SLC41A2: variants seen among roughly 807,000 people sequenced by gnomAD.
SLC41A2 encodes the protein SLC41A1-like 1.
In SLC41A2, 32 loss-of-function variants were observed where a neutral mutation model predicts 58.3. The ratio of observed to expected loss-of-function variants is 0.55; its 90% CI spans 0.41 to 0.74. The LOEUF (loss-of-function observed/expected upper bound fraction) is 0.74. Among genes scored for constraint, SLC41A2 ranks in the 30% least tolerant of loss-of-function variants. The pLI is 0.00. For synonymous variants in SLC41A2, 190 were observed against 235.0 expected (o/e 0.81, Z 1.75); for missense variants, 514 against 680.6 (o/e 0.76, Z 2.72).
chr12:104,842,157 G>A (rs1477676656), intron 10 of SLC41A2, among the ~76,000 whole-genome samples: 3 of 152,152 alleles, frequency 2.0e-5, no homozygotes, highest in Admixed American at 6.5e-5. Flanking sequence ...TCTTCATTCT[G>A]TTCATCTTTG....
intron 10 of SLC41A2, among the ~76,000 whole-genome samples, chr12:104,818,250 TTAGAC>T (rs748663218): frequency 1.5e-4 from 23 of 152,144 alleles, no homozygotes; most frequent in Non-Finnish European, 2.8e-4. Context: ...CTGAAGGATT[TTAGAC>T]ACTGGAAAAA....
intron 8 of SLC41A2, among the ~76,000 whole-genome samples, chr12:104,860,155 G>A (rs1393251823): frequency 6.6e-6 from 1 of 151,932 alleles, no homozygotes; most frequent in South Asian, 2.1e-4. Context: ...ATTGATCTAG[G>A]CTGTACTTAA....
intron 10 of SLC41A2, among the ~76,000 whole-genome samples, chr12:104,810,615 C>T (rs1039695086): frequency 5.3e-5 from 8 of 152,238 alleles, no homozygotes; most frequent in African/African-American, 1.9e-4. Flanking sequence ...TTTATTGGAA[C>T]GCAACTCAAC....
intron 1 of SLC41A2, among the ~76,000 whole-genome samples, chr12:104,942,890 A>G (rs1256882821): frequency 6.6e-6 from 1 of 152,222 alleles, no homozygotes; most frequent in Non-Finnish European, 1.5e-5. Context: ...TAAATCTGAA[A>G]TAGCTAAATT....
At chr12:104,830,033 G>C (rs534823411) in intron 10 of SLC41A2, among the ~76,000 whole-genome samples, 2 of 152,258 alleles carry the variant, frequency 1.3e-5, no homozygotes, top group East Asian at 3.9e-4. Flanking sequence ...GAAAAAGTTT[G>C]TGGCCTCTAC....
intron 8 of SLC41A2, among the ~76,000 whole-genome samples, chr12:104,854,218 A>C (rs1354888334): frequency 6.6e-6 from 1 of 152,114 alleles, no homozygotes; most frequent in African/African-American, 2.4e-5. Flanking sequence ...TTTAGAAAAA[A>C]AAATTGATTC....
At position 104,949,519 on chromosome 12, in the gene SLC41A2, T is replaced by C. The variant is rs940259787; in HGVS notation, c.-168+8569A>G. Among the ~76,000 whole-genome samples, 8 of 152,176 alleles carry C rather than the reference T, an allele frequency of 5.3e-5. 1 individual carries two copies. The highest frequency in any genetic ancestry group is 5.2e-4 in the Admixed American group (8 of 15,276). ...ATTCTGCAAATTATCCACACAGTAT[T>C]AGACAAAATGTAAGTGTTCACCAAC... is the stretch of plus-strand genomic sequence containing the variant. On this transcript the variant is annotated intron_variant, in intron 1 of 10. Coordinates refer to ENST00000258538, the MANE Select transcript of SLC41A2 (RefSeq NM_001352171.3).
rs2040735224 is a variant in SLC41A2 at position 104,802,467 on chromosome 12, T to TTTTA, written c.*2681_*2684dup. ...TAATCGGCGAATTGGTGACTAATGT[T>TTTTA]TTTATTTTTTTCTCCTGTTACATGC... is the stretch of plus-strand genomic sequence containing the variant. On this transcript the variant is annotated 3_prime_UTR_variant, in exon 11 of 11. Coordinates refer to ENST00000258538, the MANE Select transcript of SLC41A2 (RefSeq NM_001352171.3). 2 of 152,184 alleles carry TTTTA rather than the reference T, an allele frequency of 1.3e-5. No individual in the cohort carries two copies. The highest frequency in any genetic ancestry group is 4.8e-5 in the African/African-American group (2 of 41,448). 9.4% of individuals were successfully genotyped at this position (152,184 alleles called of 1,614,324 possible). A position where few individuals can be genotyped will look rare whatever the true frequency, so the allele number is the denominator to read the frequency against.
chr12:104,850,350 A>G (rs1403768996), intron 8 of SLC41A2, among the ~76,000 whole-genome samples: 1 of 152,208 alleles, frequency 6.6e-6, no homozygotes, highest in Non-Finnish European at 1.5e-5. Context: ...CAGCCCTAGC[A>G]GCCTCCAAAT....
chr12:104,891,502 T>C (rs1210527644), intron 4 of SLC41A2, among the ~76,000 whole-genome samples: 1 of 148,250 alleles, frequency 6.7e-6, no homozygotes, highest in African/African-American at 2.4e-5. Flanking sequence ...TTTATATTAT[T>C]TTTATATATT....
chr12:104,889,165 C>T lies in SLC41A2; in HGVS notation c.748G>A (p.Val250Ile), dbSNP rs1207536457. 8.1e-6 allele frequency: 13 copies of T among 1,605,162 alleles called. No homozygotes were observed. Among genetic ancestry groups the T allele is most frequent in the Non-Finnish European group, 1.1e-5 (13 of 1,177,826 alleles). ...GCCACAGCTGCTAGAAAACCCACTA[C>T]TGTTGCCTGAACCTAAAATTTTTTT... is the stretch of plus-strand genomic sequence containing the variant. ...NLALKQVQAT[V>I]VGFLAAVAAI... The change falls in exon 5 of 11, where the codon GTA becomes ATA. Residue 250 changes from valine to isoleucine, a missense_variant. Transcript: ENST00000258538.
intron 4 of SLC41A2, among the ~76,000 whole-genome samples, chr12:104,894,078 C>T (rs2045157834): frequency 1.3e-5 from 2 of 152,108 alleles, no homozygotes; most frequent in African/African-American, 4.8e-5. Context: ...TTGTTATGCA[C>T]TGCAGCCTGT....
chr12:104,883,858 C>G (rs2044514023), intron 6 of SLC41A2, among the ~76,000 whole-genome samples: 1 of 152,322 alleles, frequency 6.6e-6, no homozygotes, highest in Admixed American at 6.5e-5. Context: ...CTGGGAGAAC[C>G]ACTACTCTCT....
Position 104,861,302 on chromosome 12 carries a change from G to A in SLC41A2, c.1244C>T (p.Pro415Leu). 6.2e-7 allele frequency: 1 copy of A among 1,610,570 alleles called. No individual in the cohort carries two copies. Among genetic ancestry groups the A allele is most frequent in the South Asian group, 1.1e-5 (1 of 90,956 alleles). Residue 415 changes from proline to leucine, a missense_variant, in exon 8 of 11, where the codon CCA becomes CTA. By Grantham distance (98) the Pro-to-Leu change is moderately conservative. This residue lies in a region of SLC41A2 where 50 missense variants were observed against 104.5 expected (regional missense o/e 0.48). Transcript: ENST00000258538. ...PNLVGIVVYT[P>L]VINGIGGNLV... ...TATCTAATTCTTACCATTAATAACT[G>A]GCGTGTAAACAACAATCCCAACCAA...
chr12:104,901,714 T>C (rs1037279449), intron 3 of SLC41A2, among the ~76,000 whole-genome samples: 7 of 152,100 alleles, frequency 4.6e-5, no homozygotes, highest in Admixed American at 1.3e-4. Flanking sequence ...CAAGCCCAGC[T>C]AATTTTTTTA....
At position 104,947,194 on chromosome 12, in the gene SLC41A2, C is replaced by CTTTTTTTTTTTTTTTTTTTTTTT; in HGVS notation, c.-168+10893_-168+10894insAAAAAAAAAAAAAAAAAAAAAAA. On this transcript the variant is annotated intron_variant, in intron 1 of 10. Transcript: ENST00000258538. ...CTGAATTTCTGGCTTTTATTTTTGT[C>CTTTTTTTTTTTTTTTTTTTTTTT]CTTTTTTTTTTTTTTTTTTTTTTTT... is the stretch of plus-strand genomic sequence containing the variant. Among the ~76,000 whole-genome samples, 25 of 53,668 alleles carry CTTTTTTTTTTTTTTTTTTTTTTT rather than the reference C, an allele frequency of 4.7e-4. 12 individuals carry two copies. Among genetic ancestry groups the CTTTTTTTTTTTTTTTTTTTTTTT allele is most frequent in the Non-Finnish European group, 5.3e-4 (15 of 28,164 alleles). The allele number at this position is 53,668 out of a possible 152,430, so 35.2% of individuals were successfully genotyped here.
chr12:104,844,034 G>A (rs753050679), intron 10 of SLC41A2, among the ~76,000 whole-genome samples: 1 of 152,066 alleles, frequency 6.6e-6, no homozygotes, highest in African/African-American at 2.4e-5. Context: ...AGAACTATTT[G>A]AATCCATCTC....
At chr12:104,897,775 T>C (rs1593098026) in intron 3 of SLC41A2, among the ~76,000 whole-genome samples, 1 of 152,224 alleles carries the variant, frequency 6.6e-6, no homozygotes, top group East Asian at 1.9e-4. Flanking sequence ...ATGTATAGTA[T>C]AGGCTTGCAT....
chr12:104,824,196 G>A (rs1251470202), intron 10 of SLC41A2, among the ~76,000 whole-genome samples: 1 of 151,944 alleles, frequency 6.6e-6, no homozygotes, highest in Non-Finnish European at 1.5e-5. Context: ...CCCAAATGTT[G>A]CATTTCCCAA....
Sources: gnomAD v4.1 joint callset for allele counts (sites outside exome capture counted in the v4.1 genomes callset) on GRCh38, gnomAD v4.1.1 for gene constraint, gnomAD v4.1.1 regional missense constraint, MANE v1.5 for transcripts, NCBI Gene and HGNC (gene_info 2026-07-23, HGNC 2026-07-21) for gene names.